DMD: variants seen among roughly 807,000 people sequenced by gnomAD.
The protein encoded by DMD is mutant dystrophin.
DMD carries 63 observed loss-of-function variants against 330.1 expected under a neutral mutation model. That is an observed-to-expected ratio of 0.19 (90% CI 0.16 to 0.24). The LOEUF is 0.24. Ranked by LOEUF, DMD falls within the 10% of genes least tolerant of loss-of-function variation. The pLI is 1.00. For synonymous variants in DMD, 1,223 were observed against 959.8 expected, an observed-to-expected ratio of 1.27 and a Z score of -5.07; for missense variants, 3,344 against 2,684.1, an observed-to-expected ratio of 1.25 and a Z score of -5.43.
intron 44 of DMD, among the ~76,000 whole-genome samples, chrX:32,100,401 A>G (rs1292513790): frequency 1.9e-5 from 2 of 107,464 alleles, no homozygotes; most frequent in Non-Finnish European, 3.8e-5. Context: ...GTATATATAT[A>G]TATATTAGCT....
intron 60 of DMD, among the ~76,000 whole-genome samples, chrX:31,425,785 G>A (rs1261293938): frequency 9.1e-6 from 1 of 110,020 alleles, no homozygotes; most frequent in Non-Finnish European, 1.9e-5. Flanking sequence ...ATGTTGCTTG[G>A]CGCAGTGGGA....
At chrX:31,886,640 A>G (rs1453548861) in intron 47 of DMD, among the ~76,000 whole-genome samples, 2 of 111,720 alleles carry the variant, frequency 1.8e-5, no homozygotes, top group Non-Finnish European at 3.8e-5. Flanking sequence ...TTGCACTGCA[A>G]TACAATAGTC....
intron 47 of DMD, among the ~76,000 whole-genome samples, chrX:31,895,928 G>A (rs2094325078): frequency 9.0e-6 from 1 of 111,714 alleles, no homozygotes; most frequent in Non-Finnish European, 1.9e-5. Context: ...GAACTTCTCT[G>A]CTTCCAATTT....
At chrX:33,107,463 GA>G (rs1261089385) in intron 1 of DMD, among the ~76,000 whole-genome samples, 2 of 107,873 alleles carry the variant, frequency 1.9e-5, no homozygotes, top group Non-Finnish European at 3.9e-5. Context: ...TAGCAGATAT[GA>G]AAAAAAAATA....
intron 47 of DMD, among the ~76,000 whole-genome samples, chrX:31,881,334 C>G (rs746337066): frequency 9.5e-6 from 1 of 104,887 alleles, no homozygotes; most frequent in South Asian, 4.3e-4. Flanking sequence ...GGGTGGATCA[C>G]AAGGTCAGGA....
At chrX:31,895,640 T>C (rs1028908573) in intron 47 of DMD, among the ~76,000 whole-genome samples, 14 of 111,670 alleles carry the variant, frequency 1.3e-4, no homozygotes, top group Non-Finnish European at 1.9e-5. Context: ...AAGTTGACTT[T>C]AGAAGGATTA....
intron 45 of DMD, among the ~76,000 whole-genome samples, chrX:31,950,683 C>T (rs1192219704): frequency 2.7e-5 from 3 of 110,507 alleles, no homozygotes; most frequent in South Asian, 7.5e-4. Flanking sequence ...TAATTATATA[C>T]GTTTATAATT....
chrX:33,165,583 A>G (rs1293759488), intron 1 of DMD, among the ~76,000 whole-genome samples: 1 of 108,809 alleles, frequency 9.2e-6, no homozygotes, highest in Non-Finnish European at 1.9e-5. Flanking sequence ...AGCCAGTATG[A>G]AAAAAAAATG....
intron 59 of DMD, among the ~76,000 whole-genome samples, chrX:31,455,680 T>C (rs769554934): frequency 4.0e-4 from 45 of 112,529 alleles, no homozygotes; most frequent in Non-Finnish European, 6.6e-4. Context: ...GCATCTCTCA[T>C]TCTTTGGGCA....
chrX:31,722,352 C>T (rs1170717158), intron 52 of DMD, among the ~76,000 whole-genome samples: 1 of 110,250 alleles, frequency 9.1e-6, no homozygotes, highest in East Asian at 2.9e-4. Flanking sequence ...AACTCCTGAC[C>T]TCAGGTGATC....
At position 32,262,895 on chromosome X, in the gene DMD, C is replaced by T. The variant is rs934453165; in HGVS notation, c.6290+24634G>A. ...ATACTCTAAATGGTCATCCCAACCCCACATGGGACCAGATAAGATCTTCCA... is the reference window on the plus strand; with the variant it reads ...ATACTCTAAATGGTCATCCCAACCCTACATGGGACCAGATAAGATCTTCCA... On this transcript the variant is annotated intron_variant, in intron 43 of 78. Coordinates refer to ENST00000357033, the MANE Select transcript of DMD (RefSeq NM_004006.3). 2.7e-5 allele frequency among the ~76,000 whole-genome samples: 3 copies of T among 111,721 alleles called. No individual in the cohort carries two copies. In the Admixed American group the frequency reaches 2.9e-4, roughly 11 times the overall value.
At chrX:31,764,526 T>C (rs1413910848) in intron 51 of DMD, among the ~76,000 whole-genome samples, 2 of 112,059 alleles carry the variant, frequency 1.8e-5, no homozygotes, top group Non-Finnish European at 3.8e-5. Flanking sequence ...AATATGGGAT[T>C]AAGAGTAAAT....
At chrX:33,071,242 G>A (rs2094750715) in intron 1 of DMD, among the ~76,000 whole-genome samples, 1 of 109,945 alleles carries the variant, frequency 9.1e-6, no homozygotes, top group African/African-American at 3.3e-5. Context: ...CTTGAGGCCA[G>A]GAGTTCAAAA....
chrX:31,247,853 A>C (rs1054692046), intron 63 of DMD, among the ~76,000 whole-genome samples: 5 of 111,985 alleles, frequency 4.5e-5, no homozygotes, highest in African/African-American at 1.6e-4. Flanking sequence ...TTTCATGATC[A>C]AACTTTAATG....
chrX:33,076,497 G>C (rs750746486), intron 1 of DMD, among the ~76,000 whole-genome samples: 1 of 111,420 alleles, frequency 9.0e-6, no homozygotes, highest in African/African-American at 3.3e-5. Context: ...TAGGGTGATC[G>C]AGTGTCTGGT....
At chrX:32,443,091 T>G (rs1284192447) in intron 27 of DMD, among the ~76,000 whole-genome samples, 1 of 110,897 alleles carries the variant, frequency 9.0e-6, no homozygotes, top group Non-Finnish European at 1.9e-5. Flanking sequence ...TTTGTAACTG[T>G]TGAATGAACC....
At chrX:32,785,065 T>C (rs998470147) in intron 7 of DMD, among the ~76,000 whole-genome samples, 11 of 110,509 alleles carry the variant, frequency 1.0e-4, no homozygotes, top group Non-Finnish European at 5.7e-5. Flanking sequence ...TCTGAAAGAA[T>C]TTACAATGTC....
chrX:31,298,594 T>C (rs2054383009), intron 62 of DMD, among the ~76,000 whole-genome samples: 1 of 112,114 alleles, frequency 8.9e-6, no homozygotes. Context: ...CACCAGAGGA[T>C]CTAACAGCAT....
intron 2 of DMD, among the ~76,000 whole-genome samples, chrX:32,880,813 G>A (rs1197114377): frequency 8.9e-6 from 1 of 112,053 alleles, no homozygotes; most frequent in Non-Finnish European, 1.9e-5. Context: ...GTGTGGTGAC[G>A]CATGCCTGTA....
Sources: allele counts gnomAD v4.1 joint callset (sites outside exome capture counted in the v4.1 genomes callset), GRCh38; gene constraint gnomAD v4.1.1; transcripts MANE v1.5; gene names NCBI Gene and HGNC (gene_info 2026-07-23, HGNC 2026-07-21).